The following DRC9 variants were observed in gnomAD, a reference collection of about 807,000 sequenced individuals.
The protein encoded by DRC9 is dynein regulatory complex protein 9.
chr3:197,944,941 A>G, the DRC9 span, among the ~76,000 whole-genome samples: 1 of 152,198 alleles, frequency 6.6e-6, no homozygotes, highest in Non-Finnish European at 1.5e-5. Context: ...TTTGAATTTG[A>G]GCCAAAATTA....
chr3:197,936,517 C>T, the DRC9 span, among the ~76,000 whole-genome samples: 1 of 152,112 alleles, frequency 6.6e-6, no homozygotes, highest in Non-Finnish European at 1.5e-5. Context: ...GGCCCACCAC[C>T]ATGCCCAGCT....
At chr3:197,949,024 G>A in the DRC9 span, among the ~76,000 whole-genome samples, 1 of 152,150 alleles carries the variant, frequency 6.6e-6, no homozygotes, top group Admixed American at 6.6e-5. Context: ...TCTCAAAGCA[G>A]GGGAAGCCTC....
the DRC9 span, among the ~76,000 whole-genome samples, chr3:197,933,644 A>G: frequency 6.6e-6 from 1 of 152,194 alleles, no homozygotes; most frequent in Middle Eastern, 3.4e-3. Context: ...TAAAGATTAC[A>G]TGTGTCAGAT....
At chr3:197,898,797 CAT>C in the DRC9 span, among the ~76,000 whole-genome samples, 1 of 152,192 alleles carries the variant, frequency 6.6e-6, no homozygotes, top group Non-Finnish European at 1.5e-5. Context: ...TCGCCCTTGA[CAT>C]GTGGGGATCA....
At chr3:197,909,074 C>T in the DRC9 span, among the ~76,000 whole-genome samples, 1 of 152,190 alleles carries the variant, frequency 6.6e-6, no homozygotes, top group African/African-American at 2.4e-5. Flanking sequence ...CAGTTTCATC[C>T]GAATCTGAGC....
chr3:197,940,941 GA>G, the DRC9 span, among the ~76,000 whole-genome samples: 83 of 152,136 alleles, frequency 5.5e-4, no homozygotes, highest in African/African-American at 1.9e-3. Context: ...TGATAAACCA[GA>G]AAAAAACAGT....
the DRC9 span, among the ~76,000 whole-genome samples, chr3:197,912,050 T>A: frequency 6.6e-6 from 1 of 152,096 alleles, no homozygotes; most frequent in Admixed American, 6.5e-5. Flanking sequence ...TTTTTTGGTT[T>A]TTGTTTTTGA....
At chr3:197,893,713 T>C in the DRC9 span, among the ~76,000 whole-genome samples, 1 of 148,034 alleles carries the variant, frequency 6.8e-6, no homozygotes, top group African/African-American at 2.5e-5. Context: ...CCAGGCATGG[T>C]AGCCGGCACC....
the DRC9 span, among the ~76,000 whole-genome samples, chr3:197,955,487 C>G: frequency 1.1e-4 from 16 of 152,134 alleles, no homozygotes; most frequent in Non-Finnish European, 1.9e-4. Context: ...TGGTCTCTAT[C>G]TCTTGACCTT....
chr3:197,932,596 G>A, the DRC9 span, among the ~76,000 whole-genome samples: 2 of 151,088 alleles, frequency 1.3e-5, no homozygotes, highest in Admixed American at 1.3e-4. Flanking sequence ...GATCACCAAT[G>A]CACTCCAGTC....
the DRC9 span, among the ~76,000 whole-genome samples, chr3:197,896,341 T>TA: frequency 5.9e-4 from 87 of 146,786 alleles, no homozygotes; most frequent in African/African-American, 1.2e-3. Flanking sequence ...AAAACTCCGT[T>TA]AAAAAAAAAA....
chr3:197,956,094 C>T, the DRC9 span: 2 of 332,432 alleles, frequency 6.0e-6, no homozygotes, highest in Non-Finnish European at 1.2e-5. Context: ...GTAGCTGGGA[C>T]CACAGGCTCA....
At chr3:197,931,510 A>C in the DRC9 span, among the ~76,000 whole-genome samples, 1 of 150,184 alleles carries the variant, frequency 6.7e-6, no homozygotes, top group African/African-American at 2.5e-5. Context: ...AACAAACAAA[A>C]AAAGAGTTCT....
At chr3:197,908,938 C>T in the DRC9 span, among the ~76,000 whole-genome samples, 1 of 151,952 alleles carries the variant, frequency 6.6e-6, no homozygotes. Flanking sequence ...GAAGAGCGAG[C>T]AACCCTTTCC....
At chr3:197,889,699 G>A in the DRC9 span, 13 of 1,613,978 alleles carry the variant, frequency 8.1e-6, no homozygotes, top group African/African-American at 2.7e-5. Flanking sequence ...ATAGTGCCTC[G>A]CCACCAGGCC....
the DRC9 span, among the ~76,000 whole-genome samples, chr3:197,902,383 G>A: frequency 5.9e-5 from 9 of 152,050 alleles, no homozygotes; most frequent in African/African-American, 1.9e-4. Flanking sequence ...TAAAGCACCA[G>A]GGACTAATCG....
At chr3:197,922,955 A>G in the DRC9 span, among the ~76,000 whole-genome samples, 7,238 of 152,248 alleles carry the variant, frequency 0.048, 288 homozygotes, top group African/African-American at 0.11. Flanking sequence ...TTCCCAGAGA[A>G]GAAAAGTAGT....
At chr3:197,938,771 C>A in the DRC9 span, 1 of 1,607,920 alleles carries the variant, frequency 6.2e-7, no homozygotes, top group South Asian at 1.1e-5. Context: ...AGATTCATTT[C>A]TCTGCTTTTC....
At chr3:197,950,059 T>C in the DRC9 span, 9 of 1,065,754 alleles carry the variant, frequency 8.4e-6, no homozygotes, top group Middle Eastern at 3.4e-4. Context: ...AAGAGTGCTA[T>C]TGAATGTGGC....
Sources: allele counts gnomAD v4.1 joint callset (sites outside exome capture counted in the v4.1 genomes callset), GRCh38; gene constraint gnomAD v4.1.1; transcripts MANE v1.5; gene names NCBI Gene and HGNC (gene_info 2026-07-23, HGNC 2026-07-21).